Variants in ZMAT4 observed in about 807,000 individuals in gnomAD.
The protein encoded by ZMAT4 is zinc finger matrin-type protein 4.
A neutral mutation model predicts 28.7 loss-of-function variants in ZMAT4; 17 were observed. That is an observed-to-expected ratio of 0.59 (90% confidence interval 0.41 to 0.89). ZMAT4 has a LOEUF of 0.89. ZMAT4 is among the 40% of genes least tolerant of loss of function. The pLI is 0.00. For missense variants in ZMAT4, 240 were observed against 283.8 expected, an observed-to-expected ratio of 0.85 and a Z score of 1.11; for synonymous variants, 117 against 109.2, an observed-to-expected ratio of 1.07 and a Z score of -0.44.
At chr8:40,575,171 C>T (rs749669587) in intron 6 of ZMAT4, among the ~76,000 whole-genome samples, 10 of 152,144 alleles carry the variant, frequency 6.6e-5, no homozygotes, top group Admixed American at 2.0e-4. Context: ...CCAGGCTGTC[C>T]AAGCCAAACA....
Position 40,697,261 on chromosome 8 carries a change from G to A in ZMAT4, c.333C>T (p.Thr111=). The change falls in exon 4 of 7, where the codon ACC becomes ACT. Residue 111 remains threonine, a synonymous_variant. Coordinates refer to ENST00000297737, the MANE Select transcript of ZMAT4 (RefSeq NM_024645.3). Reference sequence around the variant, plus strand: ...TGCACGTACCTGTGGTCTTTAATGGGGTCTTCTCTCCTAGCAAGAGTTTTA... The same window carrying A: ...TGCACGTACCTGTGGTCTTTAATGGAGTCTTCTCTCCTAGCAAGAGTTTTA... The part of the protein sequence containing the change: ...KRLKLLLGEK[T]PLKTTATPLS... 6.2e-7 allele frequency: 1 copy of A among 1,611,058 alleles called. No homozygotes were observed. The highest frequency in any genetic ancestry group is 8.5e-7 in the Non-Finnish European group (1 of 1,178,586).
rs1806708927 is a variant in ZMAT4 at position 40,634,243 on chromosome 8, G to A, written c.577+40461C>T. On this transcript the variant is annotated intron_variant, in intron 5 of 6. Coordinates refer to ENST00000297737, the MANE Select transcript of ZMAT4 (RefSeq NM_024645.3). ...TTGTTTAAACATCAGACACAACGGAGCTTTAAACAGCACTGGACTGAATGA... is the reference window on the plus strand; with the variant it reads ...TTGTTTAAACATCAGACACAACGGAACTTTAAACAGCACTGGACTGAATGA... Among the ~76,000 whole-genome samples, 5 of 152,340 alleles carry A rather than the reference G, an allele frequency of 3.3e-5. No individual in the cohort carries two copies. In the South Asian group the frequency reaches 1.0e-3, roughly 32 times the overall value.
At position 40,530,762 on chromosome 8, in the gene ZMAT4, G is replaced by A. The variant is rs1184863888; in HGVS notation, c.*1461C>T. 6.6e-6 allele frequency: 1 copy of A among 152,586 alleles called. No homozygotes were observed. Among genetic ancestry groups the A allele is most frequent in the Non-Finnish European group, 1.5e-5 (1 of 68,058 alleles). The allele number at this position is 152,586 out of a possible 1,614,324, so 9.5% of individuals were successfully genotyped here. ...TTCCCATCCAACCCCCTTTCCTCTT[G>A]TAGAGTAGGGTGTGGCTCGTGGGGC... On this transcript the variant is annotated 3_prime_UTR_variant, in exon 7 of 7. Coordinates refer to ENST00000297737, the MANE Select transcript of ZMAT4 (RefSeq NM_024645.3).
chr8:40,877,383 C>G (rs1462167395), intron 1 of ZMAT4, among the ~76,000 whole-genome samples: 1 of 152,148 alleles, frequency 6.6e-6, no homozygotes, highest in Non-Finnish European at 1.5e-5. Context: ...GCTGTGAAGT[C>G]CCCAGGAATA....
chr8:40,580,317 A>G (rs2599678), intron 6 of ZMAT4, among the ~76,000 whole-genome samples: 149,547 of 152,236 alleles, frequency 0.98, 73,523 homozygotes, highest in Middle Eastern at 1. Context: ...CGGCCTATTC[A>G]TCTTTTCTTC....
intron 3 of ZMAT4, among the ~76,000 whole-genome samples, chr8:40,706,733 C>A (rs969617205): frequency 5.9e-5 from 9 of 152,220 alleles, no homozygotes; most frequent in Admixed American, 1.3e-4. Flanking sequence ...TGATTTTTTT[C>A]AAGGTTAGGA....
chr8:40,628,376 C>T (rs900347742), intron 5 of ZMAT4, among the ~76,000 whole-genome samples: 1 of 152,162 alleles, frequency 6.6e-6, no homozygotes, highest in Non-Finnish European at 1.5e-5. Context: ...TCGCGTTAAG[C>T]ATTTAATATA....
intron 1 of ZMAT4, among the ~76,000 whole-genome samples, chr8:40,828,583 T>C (rs1816163414): frequency 6.6e-6 from 1 of 152,018 alleles, no homozygotes; most frequent in Non-Finnish European, 1.5e-5. Context: ...GAAGAGAAAA[T>C]ATCTTGGCTT....
At chr8:40,750,292 C>T (rs1341220070) in intron 3 of ZMAT4, among the ~76,000 whole-genome samples, 2 of 152,132 alleles carry the variant, frequency 1.3e-5, no homozygotes, top group Non-Finnish European at 2.9e-5. Flanking sequence ...CAGACTTCTT[C>T]GTTCTGCAAG....
intron 4 of ZMAT4, among the ~76,000 whole-genome samples, chr8:40,684,093 TA>T (rs921959359): frequency 6.6e-6 from 1 of 151,990 alleles, no homozygotes; most frequent in African/African-American, 2.4e-5. Context: ...AGATGGCTAC[TA>T]AATTATTGGG....
intron 5 of ZMAT4, among the ~76,000 whole-genome samples, chr8:40,596,370 T>C (rs1348046861): frequency 6.6e-6 from 1 of 152,262 alleles, no homozygotes; most frequent in Non-Finnish European, 1.5e-5. Flanking sequence ...ATAAACTTTA[T>C]TTTTTGACTC....
chr8:40,715,754 C>G (rs1482721262), intron 3 of ZMAT4, among the ~76,000 whole-genome samples: 1 of 152,222 alleles, frequency 6.6e-6, no homozygotes, highest in African/African-American at 2.4e-5. Context: ...AGAGATGTCT[C>G]TAGTTGGCAC....
At chr8:40,826,431 G>C (rs1028464491) in intron 1 of ZMAT4, among the ~76,000 whole-genome samples, 2 of 151,900 alleles carry the variant, frequency 1.3e-5, no homozygotes, top group African/African-American at 4.8e-5. Flanking sequence ...CTTATCTTTG[G>C]GAAATGACAG....
chr8:40,685,838 G>A (rs1366782333), intron 4 of ZMAT4, among the ~76,000 whole-genome samples: 1 of 152,176 alleles, frequency 6.6e-6, no homozygotes, highest in Non-Finnish European at 1.5e-5. Flanking sequence ...TTAGGTTCCT[G>A]TCAGAATCAC....
At chr8:40,693,058 T>C (rs1286980761) in intron 4 of ZMAT4, among the ~76,000 whole-genome samples, 1 of 152,168 alleles carries the variant, frequency 6.6e-6, no homozygotes, top group Non-Finnish European at 1.5e-5. Context: ...CTGTAACTAG[T>C]TAAGCTAAAA....
At chr8:40,849,938 T>A (rs1293496618) in intron 1 of ZMAT4, among the ~76,000 whole-genome samples, 1 of 138,310 alleles carries the variant, frequency 7.2e-6, no homozygotes, top group Non-Finnish European at 1.6e-5. Context: ...GCACAACCAT[T>A]CACCCCGCTG....
chr8:40,825,553 G>C (rs913090896), intron 2 of ZMAT4, 22 bp downstream of exon 2: 69 of 1,547,562 alleles, frequency 4.5e-5, no homozygotes, highest in Non-Finnish European at 5.8e-5. Context: ...TTTGCAAACA[G>C]AGTGGGAAAC....
chr8:40,752,853 G>T (rs951736519), intron 3 of ZMAT4, among the ~76,000 whole-genome samples: 1 of 151,836 alleles, frequency 6.6e-6, no homozygotes, highest in African/African-American at 2.4e-5. Context: ...CCAGACACCA[G>T]CCGTGCTCAT....
At chr8:40,677,441 C>T (rs1808959454) in intron 4 of ZMAT4, among the ~76,000 whole-genome samples, 2 of 152,122 alleles carry the variant, frequency 1.3e-5, no homozygotes, top group African/African-American at 2.4e-5. Flanking sequence ...GGTGGGACTC[C>T]ACTATCAGTG....
Sources: allele counts gnomAD v4.1 joint callset (sites outside exome capture counted in the v4.1 genomes callset), GRCh38; gene constraint gnomAD v4.1.1; transcripts MANE v1.5; gene names NCBI Gene and HGNC (gene_info 2026-07-23, HGNC 2026-07-21).